Variants in EPB41L4A observed in about 807,000 individuals in gnomAD.
EPB41L4A encodes the protein band 4.1-like protein 4A.
A neutral mutation model predicts 108.6 loss-of-function variants in EPB41L4A; 100 were observed. The observed-to-expected ratio is 0.92, with a 90% CI of 0.78 to 1.09. The LOEUF (loss-of-function observed/expected upper bound fraction) is 1.09. EPB41L4A is among the 50% of genes least tolerant of loss of function. The probability of loss-of-function intolerance (pLI) is 0.00; values close to 1 mark genes in which losing one functional copy is unlikely to be tolerated. For missense variants in EPB41L4A, 1,030 were observed against 842.7 expected, an observed-to-expected ratio of 1.22 and a Z score of -2.75; for synonymous variants, 319 against 289.0, an observed-to-expected ratio of 1.10 and a Z score of -1.05.
intron 17 of EPB41L4A, among the ~76,000 whole-genome samples, chr5:112,186,438 T>A (rs186415613): frequency 1.3e-5 from 2 of 152,328 alleles, no homozygotes; most frequent in East Asian, 3.9e-4. Context: ...TCCTGTATCC[T>A]GCTATAATAG....
At chr5:112,257,272 T>G (rs1450151966) in intron 9 of EPB41L4A, 2 of 152,174 alleles carry the variant, frequency 1.3e-5, no homozygotes, top group African/African-American at 4.8e-5. Context: ...TAAATGAATG[T>G]GATACTTAAC....
At chr5:112,383,354 G>A (rs73214243) in intron 1 of EPB41L4A, among the ~76,000 whole-genome samples, 3 of 152,052 alleles carry the variant, frequency 2.0e-5, no homozygotes, top group Admixed American at 6.6e-5. Flanking sequence ...CATTTAAAAC[G>A]TAACCAAAAA....
chr5:112,168,845 A>T (rs1457355076), intron 21 of EPB41L4A, 25 bp from the exon 22 acceptor site: 12 of 1,588,448 alleles, frequency 7.6e-6, no homozygotes, highest in Non-Finnish European at 1.0e-5. Flanking sequence ...TTTTAGAATT[A>T]GTGACTGGAA....
At chr5:112,339,539 TA>T (rs1452403469) in intron 1 of EPB41L4A, among the ~76,000 whole-genome samples, 138 of 104,724 alleles carry the variant, frequency 1.3e-3, no homozygotes, top group Middle Eastern at 0.011. Flanking sequence ...TATATATATA[TA>T]TATTTTTTTT....
intron 1 of EPB41L4A, among the ~76,000 whole-genome samples, chr5:112,372,256 G>C (rs1275799648): frequency 6.6e-6 from 1 of 152,176 alleles, no homozygotes; most frequent in African/African-American, 2.4e-5. Context: ...TAGAGAATGA[G>C]AGCCAGCAGG....
chr5:112,336,358 A>G (rs1361824970), intron 1 of EPB41L4A, among the ~76,000 whole-genome samples: 1 of 152,144 alleles, frequency 6.6e-6, no homozygotes, highest in Non-Finnish European at 1.5e-5. Context: ...TTTCCTCTGC[A>G]TGTCACTGGT....
intron 9 of EPB41L4A, chr5:112,256,828 A>C (rs568871149): frequency 2.0e-5 from 3 of 152,218 alleles, no homozygotes; most frequent in African/African-American, 4.8e-5. Flanking sequence ...TCTGAGTTTT[A>C]GGATAATGAA....
chr5:112,204,283 A>G, intron 15 of EPB41L4A, 92 bp downstream of exon 15: 1 of 739,942 alleles, frequency 1.4e-6, no homozygotes, highest in Non-Finnish European at 2.4e-6. Flanking sequence ...AGAAACAGTA[A>G]TGTCGGTATA....
intron 2 of EPB41L4A, among the ~76,000 whole-genome samples, chr5:112,291,152 C>G (rs1167420278): frequency 6.6e-6 from 1 of 152,196 alleles, no homozygotes; most frequent in Non-Finnish European, 1.5e-5. Context: ...CACTCCTCAT[C>G]TTGACATTTC....
At chr5:112,147,621 G>GA (rs1759308247) in intron 12 of EPB41L4A, among the ~76,000 whole-genome samples, 1 of 137,028 alleles carries the variant, frequency 7.3e-6, no homozygotes, top group African/African-American at 2.8e-5. Flanking sequence ...CTGGGCAACA[G>GA]AACGAGACTC....
At chr5:112,169,521 A>G (rs1395393907) in intron 20 of EPB41L4A, among the ~76,000 whole-genome samples, 1 of 152,100 alleles carries the variant, frequency 6.6e-6, no homozygotes, top group Admixed American at 6.6e-5. Context: ...GAAAATTGCT[A>G]AGAAAGTAGA....
At chr5:112,304,836 C>G (rs958836175) in intron 2 of EPB41L4A, among the ~76,000 whole-genome samples, 2 of 152,222 alleles carry the variant, frequency 1.3e-5, no homozygotes, top group African/African-American at 4.8e-5. Context: ...TGTCAATTTA[C>G]GATAAGCATA....
chr5:112,396,838 A>T (rs1761385406), intron 1 of EPB41L4A, among the ~76,000 whole-genome samples: 1 of 152,242 alleles, frequency 6.6e-6, no homozygotes, highest in Non-Finnish European at 1.5e-5. Flanking sequence ...ATTAGCTTTT[A>T]CCTTCTGAAA....
At chr5:112,237,794 G>A (rs904776228) in intron 11 of EPB41L4A, among the ~76,000 whole-genome samples, 10 of 152,118 alleles carry the variant, frequency 6.6e-5, no homozygotes, top group Non-Finnish European at 1.5e-4. Flanking sequence ...TCTGGGCATC[G>A]TCTTTCTTCC....
chr5:112,406,445 G>A (rs1014709870), intron 1 of EPB41L4A, among the ~76,000 whole-genome samples: 2 of 152,080 alleles, frequency 1.3e-5, no homozygotes, highest in Admixed American at 6.6e-5. Context: ...AAATTAAAAT[G>A]CAGTGCAATA....
At chr5:112,400,478 A>G (rs1258323162) in intron 1 of EPB41L4A, among the ~76,000 whole-genome samples, 1 of 152,110 alleles carries the variant, frequency 6.6e-6, no homozygotes, top group African/African-American at 2.4e-5. Context: ...GGCCTCAGAG[A>G]GCTTTTACTG....
At chr5:112,362,474 T>A (rs1406525430) in intron 1 of EPB41L4A, among the ~76,000 whole-genome samples, 1 of 152,002 alleles carries the variant, frequency 6.6e-6, no homozygotes, top group African/African-American at 2.4e-5. Context: ...AGACACGGGA[T>A]TTCACCATGT....
At chr5:112,411,111 C>A (rs1309758632) in intron 1 of EPB41L4A, among the ~76,000 whole-genome samples, 1 of 152,118 alleles carries the variant, frequency 6.6e-6, no homozygotes, top group Non-Finnish European at 1.5e-5. Flanking sequence ...AGTGTGAGAT[C>A]ATTCATCAAA....
intron 1 of EPB41L4A, among the ~76,000 whole-genome samples, chr5:112,349,162 G>C (rs1757876758): frequency 6.6e-6 from 1 of 152,202 alleles, no homozygotes; most frequent in East Asian, 1.9e-4. Context: ...GTGAGTGCCA[G>C]ACAGAAAACA....
Sources: allele counts gnomAD v4.1 joint callset (sites outside exome capture counted in the v4.1 genomes callset), GRCh38; gene constraint gnomAD v4.1.1; transcripts MANE v1.5; gene names NCBI Gene and HGNC (gene_info 2026-07-23, HGNC 2026-07-21).